Variants in ITPR1 observed in about 807,000 individuals in gnomAD.
ITPR1 encodes the protein inositol 1,4,5-trisphosphate receptor type 1, also known as inositol 1,4,5-trisphosphate-gated calcium channel ITPR1.
Under a neutral mutation model 318.4 loss-of-function variants are expected in ITPR1, and 96 were observed. The observed-to-expected ratio is 0.30, with a 90% CI of 0.26 to 0.36. The LOEUF (loss-of-function observed/expected upper bound fraction) is 0.36. ITPR1 is among the 10% of genes least tolerant of loss of function. The pLI is 1.00. For missense variants in ITPR1, 2,440 were observed against 3,460.2 expected, an observed-to-expected ratio of 0.71 and a Z score of 7.40; for synonymous variants, 1,312 against 1,289.9, an observed-to-expected ratio of 1.02 and a Z score of -0.37.
At chr3:4,624,701 C>CTATAATG (rs1455957197) in intron 4 of ITPR1, among the ~76,000 whole-genome samples, 1 of 141,806 alleles carries the variant, frequency 7.1e-6, no homozygotes, top group Non-Finnish European at 1.5e-5. Context: ...AAAGATTAAA[C>CTATAATG]TATAATGCAG....
chr3:4,555,498 C>A (rs2086031888), intron 4 of ITPR1, among the ~76,000 whole-genome samples: 1 of 152,120 alleles, frequency 6.6e-6, no homozygotes, highest in Non-Finnish European at 1.5e-5. Flanking sequence ...TTTCTTAACC[C>A]ATTTTTTGTT....
chr3:4,538,135 A>T (rs1575455510), intron 4 of ITPR1, among the ~76,000 whole-genome samples: 1 of 152,186 alleles, frequency 6.6e-6, no homozygotes, highest in Admixed American at 6.5e-5. Flanking sequence ...CTCAAATTGT[A>T]ATGTTAAGCA....
At chr3:4,693,423 T>A (rs573163005) in intron 32 of ITPR1, 67 bp from the exon 33 acceptor site, 203 of 1,548,112 alleles carry the variant, frequency 1.3e-4, no homozygotes, top group Middle Eastern at 1.7e-4. Context: ...CCTCTGTGAA[T>A]AGATTTTTTT....
At chr3:4,740,131 C>T (rs4685810) in intron 44 of ITPR1, among the ~76,000 whole-genome samples, 32,365 of 152,030 alleles carry the variant, frequency 0.21, 3,880 homozygotes, top group Non-Finnish European at 0.28. Flanking sequence ...GAGGAGGGTA[C>T]ATGTATAAAA....
intron 4 of ITPR1, among the ~76,000 whole-genome samples, chr3:4,619,431 C>T (rs890584120): frequency 6.6e-6 from 1 of 150,630 alleles, no homozygotes; most frequent in Non-Finnish European, 1.5e-5. Flanking sequence ...TCTTTTGCCC[C>T]CTTTCCTTCC....
At chr3:4,793,084 G>T (rs547731590) in intron 52 of ITPR1, among the ~76,000 whole-genome samples, 2 of 152,248 alleles carry the variant, frequency 1.3e-5, no homozygotes, top group South Asian at 4.1e-4. Flanking sequence ...TGTCAAGATT[G>T]GTCTCTAAGT....
intron 4 of ITPR1, among the ~76,000 whole-genome samples, chr3:4,563,587 G>A (rs955904202): frequency 1.9e-4 from 29 of 152,178 alleles, no homozygotes; most frequent in African/African-American, 6.8e-4. Context: ...TATTAGCCAC[G>A]TGAAGTTTGG....
chr3:4,630,889 G>A (rs1351556952), intron 5 of ITPR1, among the ~76,000 whole-genome samples: 1 of 152,092 alleles, frequency 6.6e-6, no homozygotes, highest in African/African-American at 2.4e-5. Flanking sequence ...GCTCAGCCCT[G>A]TCAGCATTAT....
chr3:4,834,028 A>G (rs965751154), intron 60 of ITPR1, among the ~76,000 whole-genome samples: 1 of 152,114 alleles, frequency 6.6e-6, no homozygotes, highest in African/African-American at 2.4e-5. Context: ...AGTGGCTAGG[A>G]CTACAGGTGC....
Position 4,846,335 on chromosome 3 carries a change from GTAAA to G in ITPR1, c.*113_*116del, listed in dbSNP as rs1242622010. 1.5e-6 allele frequency: 1 copy of G among 677,750 alleles called. No homozygotes were observed. The highest frequency in any genetic ancestry group is 2.8e-5 in the East Asian group (1 of 35,702). 42.0% of individuals were successfully genotyped at this position (677,750 alleles called of 1,614,324 possible). On this transcript the variant is annotated 3_prime_UTR_variant, in exon 62 of 62. Transcript: ENST00000649015. ...GGTTACATTTATGCTGAATACATTT[GTAAA>G]TACTCAGTTTTATACTGTATGTATA...
intron 4 of ITPR1, among the ~76,000 whole-genome samples, chr3:4,624,138 G>T (rs775500412): frequency 6.6e-6 from 1 of 152,058 alleles, no homozygotes; most frequent in Non-Finnish European, 1.5e-5. Flanking sequence ...ACCTAAATCA[G>T]TTTTTTGGGA....
At chr3:4,567,267 T>G (rs2087400711) in intron 4 of ITPR1, among the ~76,000 whole-genome samples, 1 of 151,828 alleles carries the variant, frequency 6.6e-6, no homozygotes, top group Non-Finnish European at 1.5e-5. Context: ...TCTTTAGCTC[T>G]TACTCTTTTT....
chr3:4,727,048 T>C, intron 41 of ITPR1, 78 bp from the exon 42 acceptor site: 1 of 1,172,928 alleles, frequency 8.5e-7, no homozygotes, highest in East Asian at 2.3e-5. Flanking sequence ...TCTCAATGTA[T>C]TTTATATGTG....
chr3:4,837,145 C>T (rs956935347), intron 61 of ITPR1, among the ~76,000 whole-genome samples: 3 of 152,042 alleles, frequency 2.0e-5, no homozygotes, highest in African/African-American at 7.2e-5. Context: ...CATGGTGCTA[C>T]TTTCAGTGCT....
At chr3:4,755,995 T>A (rs1349601431) in intron 44 of ITPR1, among the ~76,000 whole-genome samples, 1 of 152,222 alleles carries the variant, frequency 6.6e-6, no homozygotes, top group Non-Finnish European at 1.5e-5. Flanking sequence ...CTGCAGATGT[T>A]GGCTGGTTGA....
Position 4,661,020 on chromosome 3 carries a change from C to T in ITPR1, c.1184C>T (p.Thr395Ile). The part of the protein sequence containing the change: ...NSYVRLRHLC[T>I]NTWVHSTNIP... ...TATGTTCGGCTCAGACACCTATGTA[C>T]TAATACCTGGGTTCACAGCACAAAT... The change falls in exon 14 of 62, where the codon ACT (threonine) becomes ATT (isoleucine). Residue 395 changes from threonine to isoleucine, a missense_variant. Coordinates refer to ENST00000649015, the MANE Select transcript of ITPR1 (RefSeq NM_001378452.1). 6.2e-7 allele frequency: 1 copy of T among 1,608,606 alleles called. No homozygotes were observed. Among genetic ancestry groups the T allele is most frequent in the Middle Eastern group, 1.7e-4 (1 of 6,046 alleles).
intron 35 of ITPR1, 27 bp downstream of exon 35, chr3:4,699,968 A>G: frequency 6.2e-7 from 1 of 1,605,414 alleles, no homozygotes; most frequent in Non-Finnish European, 8.5e-7. Flanking sequence ...GTCAAGCAGA[A>G]TGTTCACGAT....
intron 55 of ITPR1, 89 bp downstream of exon 55, chr3:4,806,356 AT>A (rs2048552776): frequency 1.6e-6 from 2 of 1,285,138 alleles, no homozygotes; most frequent in Non-Finnish European, 2.2e-6. Context: ...CTTCCTTTTA[AT>A]GGTGATTGGT....
At chr3:4,744,972 C>T (rs1018368266) in intron 44 of ITPR1, among the ~76,000 whole-genome samples, 5 of 131,210 alleles carry the variant, frequency 3.8e-5, no homozygotes, top group Non-Finnish European at 7.9e-5. Context: ...TTCCTTCCTT[C>T]GTTCCCCTCT....
Sources: gnomAD v4.1 joint callset for allele counts (sites outside exome capture counted in the v4.1 genomes callset) on GRCh38, gnomAD v4.1.1 for gene constraint, MANE v1.5 for transcripts, NCBI Gene and HGNC (gene_info 2026-07-23, HGNC 2026-07-21) for gene names.